The following CDKAL1 variants were observed in gnomAD, a reference collection of about 807,000 sequenced individuals.
CDKAL1 encodes the protein threonylcarbamoyladenosine tRNA methylthiotransferase.
A neutral mutation model predicts 68.2 loss-of-function variants in CDKAL1; 32 were observed. The ratio of observed to expected loss-of-function variants is 0.47; its 90% CI spans 0.35 to 0.63. The LOEUF is 0.63. CDKAL1 is among the 30% of genes least tolerant of loss of function. The pLI is 0.00. For synonymous variants in CDKAL1, 234 were observed against 244.3 expected (o/e 0.96, Z 0.39); for missense variants, 606 against 696.7 (o/e 0.87, Z 1.47).
chr6:20,798,917 C>CAAAAAAAAAA (rs200034795), intron 8 of CDKAL1, among the ~76,000 whole-genome samples: 2 of 103,192 alleles, frequency 1.9e-5, no homozygotes, highest in African/African-American at 3.5e-5. Context: ...TATAATAATA[C>CAAAAAAAAAA]AAAAAAAAAA....
chr6:21,121,320 G>A (rs1429478355), intron 13 of CDKAL1, among the ~76,000 whole-genome samples: 3 of 151,948 alleles, frequency 2.0e-5, no homozygotes, highest in African/African-American at 7.3e-5. Context: ...AGATGATGTC[G>A]GCAAGATACT....
At chr6:20,585,938 A>G (rs1233887236) in intron 4 of CDKAL1, among the ~76,000 whole-genome samples, 2 of 151,996 alleles carry the variant, frequency 1.3e-5, no homozygotes, top group Non-Finnish European at 2.9e-5. Flanking sequence ...TCTATTTACC[A>G]TGTCCAAAAC....
chr6:20,948,308 A>G (rs561889284), intron 9 of CDKAL1, among the ~76,000 whole-genome samples: 2 of 152,148 alleles, frequency 1.3e-5, no homozygotes, highest in Non-Finnish European at 2.9e-5. Flanking sequence ...ATGAGCTACT[A>G]TGCCTGGCCC....
chr6:20,999,490 A>G (rs1287614929), intron 10 of CDKAL1, among the ~76,000 whole-genome samples: 1 of 151,920 alleles, frequency 6.6e-6, no homozygotes, highest in African/African-American at 2.4e-5. Context: ...ACTTAAATGT[A>G]TTCTCTTTCG....
At chr6:21,101,821 G>A (rs1773589802) in intron 12 of CDKAL1, among the ~76,000 whole-genome samples, 1 of 152,262 alleles carries the variant, frequency 6.6e-6, no homozygotes, top group South Asian at 2.1e-4. Flanking sequence ...CAGCCTGGGA[G>A]TCCTCTTCAG....
intron 5 of CDKAL1, among the ~76,000 whole-genome samples, chr6:20,659,300 A>G (rs1476434999): frequency 1.3e-5 from 2 of 152,182 alleles, no homozygotes; most frequent in African/African-American, 4.8e-5. Flanking sequence ...TAGATATTTT[A>G]ATTTTAACTC....
chr6:20,654,299 G>T (rs60032802), intron 5 of CDKAL1, among the ~76,000 whole-genome samples: 2,576 of 142,688 alleles, frequency 0.018, 57 homozygotes, highest in African/African-American at 0.062. Context: ...TATTTTTCTG[G>T]TTTTTTTTTT....
intron 8 of CDKAL1, among the ~76,000 whole-genome samples, chr6:20,783,167 C>T (rs1775506632): frequency 6.6e-6 from 1 of 151,122 alleles, no homozygotes; most frequent in Admixed American, 6.6e-5. Flanking sequence ...TGAACTCAGG[C>T]AATCCACTTG....
chr6:20,654,065 TAG>T (rs1460337016), intron 5 of CDKAL1, among the ~76,000 whole-genome samples: 1 of 151,884 alleles, frequency 6.6e-6, no homozygotes, highest in Non-Finnish European at 1.5e-5. Flanking sequence ...GTATTTTTAG[TAG>T]AGATGTGGTT....
At chr6:20,609,952 C>A (rs1293327425) in intron 4 of CDKAL1, among the ~76,000 whole-genome samples, 1 of 152,026 alleles carries the variant, frequency 6.6e-6, no homozygotes, top group Non-Finnish European at 1.5e-5. Flanking sequence ...TCTAATAAGC[C>A]CCAGTGTGCG....
chr6:20,635,725 G>A (rs1022709674), intron 4 of CDKAL1, among the ~76,000 whole-genome samples: 1 of 152,154 alleles, frequency 6.6e-6, no homozygotes, highest in African/African-American at 2.4e-5. Context: ...TGGGAAAAGG[G>A]AGGAAAGATT....
chr6:20,694,771 T>C (rs899301385), intron 5 of CDKAL1, among the ~76,000 whole-genome samples: 8 of 152,162 alleles, frequency 5.3e-5, no homozygotes, highest in Non-Finnish European at 1.2e-4. Context: ...ATGTTGAAAT[T>C]TGGTTCCTAA....
intron 8 of CDKAL1, among the ~76,000 whole-genome samples, chr6:20,822,566 C>A (rs1239039901): frequency 6.6e-6 from 1 of 152,172 alleles, no homozygotes; most frequent in African/African-American, 2.4e-5. Flanking sequence ...TTTGTGTCCT[C>A]ACCCAAATCT....
At chr6:20,804,910 C>A (rs1246438384) in intron 8 of CDKAL1, among the ~76,000 whole-genome samples, 1 of 152,192 alleles carries the variant, frequency 6.6e-6, no homozygotes, top group Non-Finnish European at 1.5e-5. Context: ...CATCATAACT[C>A]TGTGACCAGC....
chr6:20,925,293 A>G (rs1040818800), intron 9 of CDKAL1, among the ~76,000 whole-genome samples: 1 of 152,236 alleles, frequency 6.6e-6, no homozygotes, highest in Admixed American at 6.5e-5. Flanking sequence ...TACTTAAGAG[A>G]CCACAGCATA....
intron 15 of CDKAL1, among the ~76,000 whole-genome samples, chr6:21,226,022 G>C (rs1291214142): frequency 6.6e-6 from 1 of 152,182 alleles, no homozygotes; most frequent in Non-Finnish European, 1.5e-5. Context: ...GCAAAAAGAG[G>C]ATAAAATTTG....
intron 6 of CDKAL1, among the ~76,000 whole-genome samples, chr6:20,754,975 C>T (rs112992533): frequency 0.015 from 2,274 of 152,282 alleles, 44 homozygotes; most frequent in African/African-American, 0.052. Context: ...TCTGCATGTT[C>T]TGACTTTTCT....
At chr6:20,811,856 A>G (rs1308440208) in intron 8 of CDKAL1, among the ~76,000 whole-genome samples, 4 of 151,176 alleles carry the variant, frequency 2.6e-5, no homozygotes, top group Admixed American at 6.6e-5. Context: ...GTAATGGGTG[A>G]GATAATAAAT....
chr6:20,754,175 TCTCG>T (rs1469599363), intron 6 of CDKAL1, among the ~76,000 whole-genome samples: 1 of 152,168 alleles, frequency 6.6e-6, no homozygotes, highest in African/African-American at 2.4e-5. Context: ...AGAGACAGGA[TCTCG>T]CTGTGTTGCC....
Sources: allele counts gnomAD v4.1 joint callset (sites outside exome capture counted in the v4.1 genomes callset), GRCh38; gene constraint gnomAD v4.1.1; transcripts MANE v1.5; gene names NCBI Gene and HGNC (gene_info 2026-07-23, HGNC 2026-07-21).